The following KAT6A variants were observed in gnomAD, a reference collection of about 807,000 sequenced individuals.
KAT6A encodes lysine acetyltransferase 6A.
A neutral mutation model predicts 198.4 loss-of-function variants in KAT6A; 9 were observed. The observed-to-expected ratio is 0.05, with a 90% CI of 0.03 to 0.08. KAT6A has a LOEUF of 0.08. Ranked by LOEUF, KAT6A falls within the 10% of genes least tolerant of loss-of-function variation. KAT6A has a pLI of 1.00. For synonymous variants in KAT6A, 890 were observed against 883.0 expected, an observed-to-expected ratio of 1.01 and a Z score of -0.14; for missense variants, 2,077 against 2,509.9, an observed-to-expected ratio of 0.83 and a Z score of 3.69.
chr8:42,007,688 C>T (rs921093789), intron 2 of KAT6A, among the ~76,000 whole-genome samples: 19 of 152,148 alleles, frequency 1.2e-4, no homozygotes, highest in Middle Eastern at 3.4e-3. Flanking sequence ...GTTGGCCGGG[C>T]GCAGTGGCTC....
At chr8:41,995,073 T>TAA (rs764121097) in intron 2 of KAT6A, among the ~76,000 whole-genome samples, 198 of 151,194 alleles carry the variant, frequency 1.3e-3, no homozygotes, top group Non-Finnish European at 2.3e-3. Context: ...AAAATAAAAA[T>TAA]AAAAATAAAA....
At chr8:41,968,681 CTTCT>C (rs764214207) in intron 8 of KAT6A, among the ~76,000 whole-genome samples, 3 of 152,122 alleles carry the variant, frequency 2.0e-5, no homozygotes, top group Non-Finnish European at 4.4e-5. Flanking sequence ...CACACAAATG[CTTCT>C]TTCTACTGAC....
chr8:42,031,026 CA>C lies in KAT6A; in HGVS notation c.600+17351del, dbSNP rs35186257. On this transcript the variant is annotated intron_variant, in intron 2 of 16. Transcript: ENST00000265713. Reference sequence around the variant, plus strand: ...GTATGTTAAGGTATGCTGCCAAATGCAAAAAAAAAAAAGGGGGGGGGGACAG... The same window carrying C: ...GTATGTTAAGGTATGCTGCCAAATGCAAAAAAAAAAAGGGGGGGGGGACAG... 4.1e-3 allele frequency among the ~76,000 whole-genome samples: 155 copies of C among 37,840 alleles called. 1 individual carries two copies. In the Admixed American group the frequency reaches 0.043, roughly 10 times the overall value. 24.8% of individuals were successfully genotyped at this position (37,840 alleles called of 152,430 possible).
intron 8 of KAT6A, among the ~76,000 whole-genome samples, chr8:41,962,996 C>T (rs1425133585): frequency 6.6e-6 from 1 of 152,104 alleles, no homozygotes; most frequent in Non-Finnish European, 1.5e-5. Context: ...TTTAATACTG[C>T]ATACATTAAT....
Position 41,932,909 on chromosome 8 carries a change from A to G in KAT6A, c.5311T>C (p.Tyr1771His). ...GAAGTCACAGCAGGAGAATGGCTAT[A>G]AGGCATGGCATGAGGGTCCATAATG... ...NTIMDPHAMP[Y>H]SHSPAVTSYA... Residue 1771 changes from tyrosine to histidine, a missense_variant, in exon 17 of 17, where the codon TAT (tyrosine) becomes CAT (histidine). Tyr to His is a moderately conservative substitution (Grantham distance 83). Coordinates refer to ENST00000265713, the MANE Select transcript of KAT6A (RefSeq NM_006766.5). The G allele has an allele frequency of 6.2e-7, 1 of 1,614,132 alleles. No individual in the cohort carries two copies. The highest frequency in any genetic ancestry group is 8.5e-7 in the Non-Finnish European group (1 of 1,180,028).
intron 9 of KAT6A, 140 bp downstream of exon 9, chr8:41,955,156 G>A (rs1055122752): frequency 2.7e-5 from 16 of 587,536 alleles, no homozygotes; most frequent in East Asian, 1.6e-4. Flanking sequence ...TGCCAAAGCC[G>A]CTGCTATTAT....
intron 2 of KAT6A, among the ~76,000 whole-genome samples, chr8:42,022,810 C>T (rs1160857660): frequency 6.6e-6 from 1 of 152,070 alleles, no homozygotes; most frequent in Non-Finnish European, 1.5e-5. Flanking sequence ...TAACAAGGGG[C>T]TACATATAAA....
At chr8:41,997,322 C>G (rs748837503) in intron 2 of KAT6A, among the ~76,000 whole-genome samples, 1 of 151,896 alleles carries the variant, frequency 6.6e-6, no homozygotes, top group South Asian at 2.1e-4. Context: ...ATCTTGAAAC[C>G]TGTATTTTTA....
intron 2 of KAT6A, among the ~76,000 whole-genome samples, chr8:42,032,991 T>C (rs1439249901): frequency 1.3e-5 from 2 of 151,086 alleles, no homozygotes; most frequent in Non-Finnish European, 2.9e-5. Flanking sequence ...GTGATTCTTC[T>C]GCCTCAGCCT....
At chr8:42,029,510 C>T (rs1299034423) in intron 2 of KAT6A, among the ~76,000 whole-genome samples, 4 of 150,858 alleles carry the variant, frequency 2.7e-5, no homozygotes, top group African/African-American at 9.7e-5. Flanking sequence ...ATTCAGATGT[C>T]CTTTCTTCTG....
intron 2 of KAT6A, among the ~76,000 whole-genome samples, chr8:42,039,901 T>A: frequency 8.9e-6 from 1 of 112,240 alleles, no homozygotes; most frequent in African/African-American, 5.0e-5. Context: ...GCCTGGCTAA[T>A]ATTTTTTTTT....
chr8:41,976,911 A>C, intron 7 of KAT6A, 97 bp downstream of exon 7: 1 of 1,011,226 alleles, frequency 9.9e-7, no homozygotes, highest in Non-Finnish European at 1.4e-6. Flanking sequence ...ACCAATTGTT[A>C]ATAATCAAAT....
At position 41,932,669 on chromosome 8, in the gene KAT6A, C is replaced by A. The variant is rs756783340; in HGVS notation, c.5551G>T (p.Val1851Leu). Reference sequence around the variant, plus strand: ...GAGCGGATGGAAATGTGCCCCTTCACTGGCATTTGCCCTTGCAATCTCTGC... The same window carrying A: ...GAGCGGATGGAAATGTGCCCCTTCAATGGCATTTGCCCTTGCAATCTCTGC... Reference protein sequence around the residue: ...HTQRLQGQMPVKGHISIRSKS... With the variant: ...HTQRLQGQMPLKGHISIRSKS... The change falls in exon 17 of 17, where the codon GTG (valine) becomes TTG (leucine). Residue 1851 changes from valine to leucine, a missense_variant. Physicochemically the swap from Val to Leu is conservative, Grantham distance 32. Around this residue, in one of 13 missense-constraint regions of KAT6A, gnomAD observed 500 missense variants for 577.2 expected, o/e 0.87. Coordinates refer to ENST00000265713, the MANE Select transcript of KAT6A (RefSeq NM_006766.5). 1 of 1,614,260 alleles carries A rather than the reference C, an allele frequency of 6.2e-7. No homozygotes were observed. Among genetic ancestry groups the A allele is most frequent in the Non-Finnish European group, 8.5e-7 (1 of 1,180,048 alleles).
chr8:42,027,324 CTCTT>C (rs1826869784), intron 2 of KAT6A, among the ~76,000 whole-genome samples: 1 of 152,130 alleles, frequency 6.6e-6, no homozygotes, highest in Non-Finnish European at 1.5e-5. Context: ...GAATTCCCTC[CTCTT>C]TAATTTTTTG....
chr8:42,031,004 T>C (rs1782157802), intron 2 of KAT6A, among the ~76,000 whole-genome samples: 2 of 120,618 alleles, frequency 1.7e-5, no homozygotes, highest in Non-Finnish European at 3.2e-5. Context: ...CAAAAGAGTA[T>C]GTTAAGGTAT....
At chr8:42,032,747 G>A (rs1239598212) in intron 2 of KAT6A, among the ~76,000 whole-genome samples, 2 of 151,874 alleles carry the variant, frequency 1.3e-5, no homozygotes, top group South Asian at 4.1e-4. Context: ...ATCAACAAGA[G>A]CAAAAAGAGC....
At position 41,981,223 on chromosome 8, in the gene KAT6A, CAGG is replaced by C. The variant is rs1247294018; in HGVS notation, c.826-299_826-297del. On this transcript the variant is annotated intron_variant, in intron 4 of 16. Coordinates refer to ENST00000265713, the MANE Select transcript of KAT6A (RefSeq NM_006766.5). ...ATCCCAGCTACTCAGAAGGCTGAGG[CAGG>C]AGAACTGCTTGAACCAGAGAGGCAG... Among the ~76,000 whole-genome samples, 8 of 152,288 alleles carry C rather than the reference CAGG, an allele frequency of 5.3e-5. No individual in the cohort carries two copies. The East Asian group carries it at 5.8e-4, about 11-fold the overall frequency.
chr8:41,989,624 C>T (rs968618525), intron 2 of KAT6A, among the ~76,000 whole-genome samples: 8 of 152,022 alleles, frequency 5.3e-5, no homozygotes, highest in Admixed American at 3.3e-4. Context: ...TAGCAATACC[C>T]ACTGACAATA....
intron 2 of KAT6A, among the ~76,000 whole-genome samples, chr8:42,042,215 C>G (rs953546503): frequency 6.6e-6 from 1 of 152,144 alleles, no homozygotes; most frequent in Non-Finnish European, 1.5e-5. Context: ...TCCCAGCACT[C>G]TGGGAGGCCG....
Sources: gnomAD v4.1 joint callset for allele counts (sites outside exome capture counted in the v4.1 genomes callset) on GRCh38, gnomAD v4.1.1 for gene constraint, gnomAD v4.1.1 regional missense constraint, MANE v1.5 for transcripts, NCBI Gene and HGNC (gene_info 2026-07-23, HGNC 2026-07-21) for gene names.